NEMP2: variants seen among roughly 807,000 people sequenced by gnomAD.
NEMP2 encodes the protein UPF0571 transmembrane protein.
NEMP2 carries 53 observed loss-of-function variants against 54.2 expected under a neutral mutation model. That is an observed-to-expected ratio of 0.98 (90% CI 0.78 to 1.23). The LOEUF (loss-of-function observed/expected upper bound fraction) is 1.23, where lower values mean the gene tolerates loss of function less well. Ranked by LOEUF, NEMP2 falls within the 50% of genes most tolerant of loss-of-function variation. The probability of loss-of-function intolerance (pLI) is 0.00; values close to 1 mark genes in which losing one functional copy is unlikely to be tolerated. For missense variants in NEMP2, 455 were observed against 511.3 expected (o/e 0.89, Z 1.06); for synonymous variants, 197 against 190.3 (o/e 1.04, Z -0.29).
At chr2:190,484,394 A>T in the NEMP2 span, among the ~76,000 whole-genome samples, 1 of 152,220 alleles carries the variant, frequency 6.6e-6, no homozygotes, top group African/African-American at 2.4e-5. Context: ...ACAGTTCTCT[A>T]ATAACTAAGA....
the NEMP2 span, among the ~76,000 whole-genome samples, chr2:190,481,344 C>T: frequency 6.6e-6 from 1 of 152,228 alleles, no homozygotes; most frequent in African/African-American, 2.4e-5. Context: ...AAGAGATCTA[C>T]TATTTTATTT....
chr2:190,437,252 TC>T, the NEMP2 span: 1 of 1,614,078 alleles, frequency 6.2e-7, no homozygotes. The surrounding 1 kb of genome is among the most constrained non-coding windows in gnomAD (Gnocchi z 5.9). Context: ...GAGGTGGAGA[TC>T]CCGCAGGTGG....
the NEMP2 span, among the ~76,000 whole-genome samples, chr2:190,579,696 C>T: frequency 1.3e-4 from 20 of 152,304 alleles, no homozygotes; most frequent in African/African-American, 4.6e-4. Flanking sequence ...AAGTCTTCCA[C>T]AGTAACCCCA....
intron 2 of NEMP2, among the ~76,000 whole-genome samples, chr2:190,524,506 G>C (rs747837998): frequency 6.6e-6 from 1 of 152,102 alleles, no homozygotes; most frequent in Non-Finnish European, 1.5e-5. Context: ...CAATGTTCCA[G>C]CTATTCTCTC....
chr2:190,477,459 G>T, the NEMP2 span: 5 of 745,982 alleles, frequency 6.7e-6, no homozygotes, highest in East Asian at 3.9e-4. Flanking sequence ...TTTAAAATGA[G>T]TTAGGTGGAA....
Position 190,512,663 on chromosome 2 carries a change from T to C in NEMP2, c.953+1790A>G, listed in dbSNP as rs901660670. On this transcript the variant is annotated intron_variant, in intron 7 of 8. Coordinates refer to ENST00000409150, the MANE Select transcript of NEMP2 (RefSeq NM_001142645.2). The surrounding 1 kb of genome is among the most constrained non-coding windows in gnomAD (Gnocchi z 4.5). ...GTTAAAGGGAAGGAAGAAGGAACTC[T>C]ATCCTGAGTTCCTCAGGCCACAAGC... is the stretch of plus-strand genomic sequence containing the variant. Among the ~76,000 whole-genome samples the C allele has an allele frequency of 6.6e-6, 1 of 152,212 alleles. No individual in the cohort carries two copies. The highest frequency in any genetic ancestry group is 1.5e-5 in the Non-Finnish European group (1 of 68,042).
chr2:190,640,635 T>C, the NEMP2 span, among the ~76,000 whole-genome samples: 5 of 152,152 alleles, frequency 3.3e-5, no homozygotes, highest in African/African-American at 1.2e-4. Flanking sequence ...AACGGAACTA[T>C]GTTTATCTGT....
the NEMP2 span, chr2:190,610,457 C>T: frequency 2.0e-5 from 3 of 152,110 alleles, no homozygotes; most frequent in African/African-American, 7.2e-5. The surrounding 1 kb of genome is among the most constrained non-coding windows in gnomAD (Gnocchi z 5.4). Flanking sequence ...GTTTGCTTAC[C>T]ACAGATCAGA....
At chr2:190,610,481 G>C in the NEMP2 span, 1 of 152,194 alleles carries the variant, frequency 6.6e-6, no homozygotes, top group Non-Finnish European at 1.5e-5. This position sits in a 1 kb window ranked among gnomAD's most constrained non-coding sequence, Gnocchi z 5.4. Context: ...CCTGTACAGG[G>C]ACTGTGTATG....
At chr2:190,474,593 A>G in the NEMP2 span, among the ~76,000 whole-genome samples, 7 of 152,186 alleles carry the variant, frequency 4.6e-5, no homozygotes, top group African/African-American at 1.4e-4. Context: ...CAACCAAAAA[A>G]AGTCCAGGAC....
chr2:190,620,371 G>A, the NEMP2 span: 1 of 152,166 alleles, frequency 6.6e-6, no homozygotes, highest in African/African-American at 2.4e-5. The surrounding 1 kb of genome is among the most constrained non-coding windows in gnomAD (Gnocchi z 4.9). Context: ...TCAGGGGAAA[G>A]GAAAAGAGAG....
At position 190,533,152 on chromosome 2, in the gene NEMP2, C is replaced by T. The variant is rs778127569; in HGVS notation, c.97+1407G>A. Among the ~76,000 whole-genome samples the T allele has an allele frequency of 6.6e-6, 1 of 152,288 alleles. No homozygotes were observed. Among genetic ancestry groups the T allele is most frequent in the Non-Finnish European group, 1.5e-5 (1 of 68,024 alleles). On this transcript the variant is annotated intron_variant, in intron 1 of 8. Transcript: ENST00000409150. The surrounding 1 kb of genome is among the most constrained non-coding windows in gnomAD (Gnocchi z 4.3). Reference sequence around the variant, plus strand: ...CTTCATTTTACTCAAGAGAAAACTACGGTCCATAAAGACTCTGTGCCTGGA... The same window carrying T: ...CTTCATTTTACTCAAGAGAAAACTATGGTCCATAAAGACTCTGTGCCTGGA...
chr2:190,451,240 G>A, the NEMP2 span, among the ~76,000 whole-genome samples: 1 of 152,140 alleles, frequency 6.6e-6, no homozygotes, highest in Non-Finnish European at 1.5e-5. This position sits in a 1 kb window ranked among gnomAD's most constrained non-coding sequence, Gnocchi z 5.0. Context: ...AGTAATTTTA[G>A]CTTTGTTAAG....
At chr2:190,637,364 A>T in the NEMP2 span, among the ~76,000 whole-genome samples, 2 of 152,176 alleles carry the variant, frequency 1.3e-5, no homozygotes, top group Non-Finnish European at 2.9e-5. This position sits in a 1 kb window ranked among gnomAD's most constrained non-coding sequence, Gnocchi z 4.5. Context: ...TCACAGCTTG[A>T]TTCTTGCACT....
rs1690912313 is a variant in NEMP2, at chr2:190,525,809, T to C, written c.98-431A>G. ...AGATAAATTATGGAATTAATTCAGT[T>C]TAGAGATATTGGATTCTTATATTGG... is the stretch of plus-strand genomic sequence containing the variant. On this transcript the variant is annotated intron_variant, in intron 1 of 8. Transcript: ENST00000409150. The surrounding 1 kb of genome is among the most constrained non-coding windows in gnomAD (Gnocchi z 5.0). Among the ~76,000 whole-genome samples, 1 of 152,084 alleles carries C rather than the reference T, an allele frequency of 6.6e-6. No homozygotes were observed. Among genetic ancestry groups the C allele is most frequent in the African/African-American group, 2.4e-5 (1 of 41,410 alleles).
rs1415143478 is a variant in NEMP2, at chr2:190,509,507, G to A, written c.1131-195C>T. On this transcript the variant is annotated intron_variant, in intron 8 of 8. Coordinates refer to ENST00000409150, the MANE Select transcript of NEMP2 (RefSeq NM_001142645.2). This position sits in a 1 kb window ranked among gnomAD's most constrained non-coding sequence, Gnocchi z 6.1. ...CTAAAAACAGCTATTCATGGAAAGG[G>A]CAGAGAATTAGGGCAGATATATAAG... Among the ~76,000 whole-genome samples, 1 of 152,158 alleles carries A rather than the reference G, an allele frequency of 6.6e-6. No individual in the cohort carries two copies. The highest frequency in any genetic ancestry group is 2.4e-5 in the African/African-American group (1 of 41,438).
At position 190,525,197 on chromosome 2, in the gene NEMP2, C is replaced by T. The variant is rs1029421969; in HGVS notation, c.213+66G>A. On this transcript the variant is annotated intron_variant, in intron 2 of 8. Coordinates refer to ENST00000409150, the MANE Select transcript of NEMP2 (RefSeq NM_001142645.2). The surrounding 1 kb of genome is among the most constrained non-coding windows in gnomAD (Gnocchi z 5.0). The stretch of plus-strand genomic sequence containing the variant: ...AATACTTTCTATTCCTGAAGTGGTA[C>T]ATTTCCTGTCCCCAGGACATGGTAA... The T allele has an allele frequency of 3.5e-6, 3 of 863,136 alleles. No individual in the cohort carries two copies. The African/African-American group carries it at 5.1e-5, about 15-fold the overall frequency. The allele number at this position is 863,136 out of a possible 1,614,324, so 53.5% of individuals were successfully genotyped here.
chr2:190,630,160 G>A, the NEMP2 span, among the ~76,000 whole-genome samples: 3 of 152,224 alleles, frequency 2.0e-5, no homozygotes. This position sits in a 1 kb window ranked among gnomAD's most constrained non-coding sequence, Gnocchi z 5.5. Context: ...AAAATGCCCA[G>A]GAAAGCTTCA....
downstream of NEMP2, chr2:190,500,370 C>T: frequency 1.3e-6 from 1 of 765,560 alleles, no homozygotes; most frequent in Non-Finnish European, 2.1e-6. The surrounding 1 kb of genome is among the most constrained non-coding windows in gnomAD (Gnocchi z 5.3). Flanking sequence ...GAAACACACA[C>T]ACAGGAGCTA....
Sources: allele counts gnomAD v4.1 joint callset (sites outside exome capture counted in the v4.1 genomes callset), GRCh38; gene constraint gnomAD v4.1.1; non-coding constraint Gnocchi (gnomAD v3.1); transcripts MANE v1.5; gene names NCBI Gene and HGNC (gene_info 2026-07-23, HGNC 2026-07-21).